NAV2: variants seen among roughly 807,000 people sequenced by gnomAD.
NAV2 encodes neuron navigator 2, also known as helicase, APC down-regulated 1.
In NAV2, 54 loss-of-function variants were observed where a neutral mutation model predicts 223.2. That is an observed-to-expected ratio of 0.24 (90% CI 0.19 to 0.30). The LOEUF is 0.30. Among genes scored for constraint, NAV2 ranks in the 10% least tolerant of loss-of-function variants. The probability of loss-of-function intolerance (pLI) is 1.00; values close to 1 mark genes in which losing one functional copy is unlikely to be tolerated. For missense variants in NAV2, 2,806 were observed against 3,147.5 expected (o/e 0.89, Z 2.60); for synonymous variants, 1,279 against 1,239.3 (o/e 1.03, Z -0.67).
intron 1 of NAV2, among the ~76,000 whole-genome samples, chr11:19,462,323 C>T (rs1564955917): frequency 6.6e-6 from 1 of 152,158 alleles, no homozygotes; most frequent in Non-Finnish European, 1.5e-5. Flanking sequence ...TACAACTACT[C>T]CTAATTCCAT....
intron 1 of NAV2, among the ~76,000 whole-genome samples, chr11:19,573,702 C>T (rs1382904456): frequency 6.6e-6 from 1 of 152,184 alleles, no homozygotes; most frequent in Non-Finnish European, 1.5e-5. Flanking sequence ...AGCCTGAGGA[C>T]TGTGCTTTCT....
rs1158115173 is a variant in NAV2 at position 20,082,892 on chromosome 11, T to C, written c.5326-115T>C. ...AAGAGCTCTTGGGAACCTCTTCCAT[T>C]GGTGGGGGGAAAAACATGGGAGAAT... is the stretch of plus-strand genomic sequence containing the variant. On this transcript the variant is annotated intron_variant, in intron 25 of 37. Coordinates refer to ENST00000349880, the MANE Select transcript of NAV2 (RefSeq NM_145117.5). 26 of 1,022,036 alleles carry C rather than the reference T, an allele frequency of 2.5e-5. No individual in the cohort carries two copies. The East Asian group carries it at 6.2e-4, about 25-fold the overall frequency. The allele number at this position is 1,022,036 out of a possible 1,614,324, so 63.3% of individuals were successfully genotyped here.
chr11:19,381,720 G>A (rs1025977856), intron 1 of NAV2, among the ~76,000 whole-genome samples: 2 of 152,194 alleles, frequency 1.3e-5, no homozygotes, highest in Non-Finnish European at 2.9e-5. Flanking sequence ...GGACCAAAGA[G>A]AAATAACGTC....
At chr11:19,834,828 C>A (rs931617278) in intron 2 of NAV2, among the ~76,000 whole-genome samples, 2 of 152,234 alleles carry the variant, frequency 1.3e-5, no homozygotes, top group African/African-American at 4.8e-5. Context: ...GTTTCTCCAT[C>A]TTTAAAATGA....
intron 1 of NAV2, among the ~76,000 whole-genome samples, chr11:19,395,169 G>A (rs1002561440): frequency 6.6e-6 from 1 of 152,208 alleles, no homozygotes; most frequent in Non-Finnish European, 1.5e-5. Flanking sequence ...ATGTGCCCAT[G>A]TGCACGTGTG....
chr11:20,058,643 T>C (rs1275329914), intron 19 of NAV2, among the ~76,000 whole-genome samples: 1 of 152,238 alleles, frequency 6.6e-6, no homozygotes, highest in Non-Finnish European at 1.5e-5. Flanking sequence ...AAAGCTTGTA[T>C]TGCAGCATGC....
At chr11:19,353,873 CT>C (rs1853462813) in intron 1 of NAV2, among the ~76,000 whole-genome samples, 1 of 152,122 alleles carries the variant, frequency 6.6e-6, no homozygotes, top group East Asian at 1.9e-4. Context: ...TTATTCTTGA[CT>C]TTTTTTGGTT....
chr11:19,534,635 T>C (rs2044130815), intron 1 of NAV2, among the ~76,000 whole-genome samples: 1 of 152,206 alleles, frequency 6.6e-6, no homozygotes. Context: ...GGATCATGGA[T>C]GGCTCCCAGG....
intron 11 of NAV2, among the ~76,000 whole-genome samples, chr11:20,023,327 ACCTCTTCT>A (rs2054689072): frequency 6.6e-6 from 1 of 151,566 alleles, no homozygotes. Flanking sequence ...CAGGAAATTC[ACCTCTTCT>A]CCTCTTCCGC....
At chr11:19,848,221 T>A (rs998008085) in intron 3 of NAV2, among the ~76,000 whole-genome samples, 2 of 152,188 alleles carry the variant, frequency 1.3e-5, no homozygotes, top group East Asian at 3.9e-4. Context: ...AGTGATTTTC[T>A]AACTTCTATT....
intron 11 of NAV2, among the ~76,000 whole-genome samples, chr11:20,032,932 C>T (rs920211343): frequency 1.3e-5 from 2 of 152,188 alleles, no homozygotes; most frequent in Non-Finnish European, 2.9e-5. Flanking sequence ...CAGCATTGCC[C>T]CTCAGTCCTC....
intron 1 of NAV2, among the ~76,000 whole-genome samples, chr11:19,665,416 T>TAGAA (rs1306873939): frequency 6.6e-6 from 1 of 152,192 alleles, no homozygotes; most frequent in African/African-American, 2.4e-5. Flanking sequence ...ACATCCCTTC[T>TAGAA]GGAGCTCCTG....
intron 1 of NAV2, among the ~76,000 whole-genome samples, chr11:19,739,360 A>G (rs1159839466): frequency 6.6e-6 from 1 of 152,200 alleles, no homozygotes; most frequent in African/African-American, 2.4e-5. Context: ...TTTTATTTGC[A>G]TTTTAATGAT....
chr11:19,618,331 T>G (rs114766055), intron 1 of NAV2, among the ~76,000 whole-genome samples: 2,804 of 151,508 alleles, frequency 0.019, 90 homozygotes, highest in African/African-American at 0.065. Flanking sequence ...AACAGACGGA[T>G]GGATGGATTG....
chr11:19,374,865 G>T (rs1848591140), intron 1 of NAV2, among the ~76,000 whole-genome samples: 1 of 152,126 alleles, frequency 6.6e-6, no homozygotes, highest in Non-Finnish European at 1.5e-5. Context: ...TTGGATTGGA[G>T]CCTGTCTCTG....
intron 11 of NAV2, among the ~76,000 whole-genome samples, chr11:20,009,383 G>T (rs1327468998): frequency 6.6e-6 from 1 of 152,160 alleles, no homozygotes. Context: ...GAAGGCAGGT[G>T]CTCGTTGAAC....
Position 19,713,402 on chromosome 11 carries a change from C to T in NAV2, c.-294C>T, listed in dbSNP as rs1018805458. On this transcript the variant is annotated 5_prime_UTR_variant, in exon 1 of 38. Coordinates refer to ENST00000349880, the MANE Select transcript of NAV2 (RefSeq NM_145117.5). The surrounding 1 kb of genome is among the most constrained non-coding windows in gnomAD (Gnocchi z 7.2). Reference sequence around the variant, plus strand: ...TGCAAGAGGCGGCAGCCCCTGAGCGCCCAGAGCTCTTGAAAGGCCACCCAG... The same window carrying T: ...TGCAAGAGGCGGCAGCCCCTGAGCGTCCAGAGCTCTTGAAAGGCCACCCAG... 5.8e-6 allele frequency: 7 copies of T among 1,216,892 alleles called. No homozygotes were observed. Among genetic ancestry groups the T allele is most frequent in the Non-Finnish European group, 7.1e-6 (7 of 979,276 alleles). 75.4% of individuals were successfully genotyped at this position (1,216,892 alleles called of 1,614,324 possible).
intron 1 of NAV2, among the ~76,000 whole-genome samples, chr11:19,574,485 C>T (rs1220007312): frequency 6.6e-6 from 1 of 152,130 alleles, no homozygotes; most frequent in African/African-American, 2.4e-5. Context: ...CTGGCCCTGG[C>T]CTATAGGTTT....
At chr11:19,935,852 T>G (rs951815439) in intron 7 of NAV2, among the ~76,000 whole-genome samples, 1 of 54,468 alleles carries the variant, frequency 1.8e-5, no homozygotes, top group East Asian at 5.7e-4. Flanking sequence ...TTTGTTTCTG[T>G]TTTTTTTTTT....
Sources: allele counts gnomAD v4.1 joint callset (sites outside exome capture counted in the v4.1 genomes callset), GRCh38; gene constraint gnomAD v4.1.1; non-coding constraint Gnocchi (gnomAD v3.1); transcripts MANE v1.5; gene names NCBI Gene and HGNC (gene_info 2026-07-23, HGNC 2026-07-21).